Variants in BLTP2 observed in about 807,000 individuals in gnomAD.
BLTP2 encodes the protein bridge-like lipid transfer protein family member 2, also known as U937-associated antigen.
the BLTP2 span, chr17:28,644,085 A>C: frequency 1.9e-6 from 3 of 1,614,252 alleles, no homozygotes; most frequent in South Asian, 1.1e-5. Context: ...GCTGAAACTT[A>C]AGACTGACAT....
chr17:28,628,129 C>G, the BLTP2 span: 3 of 737,044 alleles, frequency 4.1e-6, no homozygotes, highest in Non-Finnish European at 6.7e-6. Flanking sequence ...ACTTAGGTGG[C>G]CTAAGAAGGA....
the BLTP2 span, chr17:28,635,918 G>T: frequency 4.0e-6 from 1 of 247,854 alleles, no homozygotes; most frequent in African/African-American, 2.2e-5. Context: ...ACTCAGTATA[G>T]ACAGCAGGTA....
the BLTP2 span, chr17:28,634,803 G>C: frequency 1.2e-6 from 2 of 1,613,748 alleles, no homozygotes; most frequent in South Asian, 2.2e-5. Flanking sequence ...CAATTTTGCG[G>C]GCAGGCAACA....
At chr17:28,642,314 T>G in the BLTP2 span, 1 of 1,614,188 alleles carries the variant, frequency 6.2e-7, no homozygotes, top group Non-Finnish European at 8.5e-7. Context: ...TGATCTTACA[T>G]AAGCTCACCT....
At chr17:28,619,165 C>T in the BLTP2 span, among the ~76,000 whole-genome samples, 1 of 152,156 alleles carries the variant, frequency 6.6e-6, no homozygotes, top group Non-Finnish European at 1.5e-5. Context: ...TCCCATCTTT[C>T]AGCTCTATAG....
the BLTP2 span, chr17:28,640,260 G>A: frequency 5.9e-6 from 3 of 507,322 alleles, no homozygotes; most frequent in East Asian, 3.9e-5. Flanking sequence ...GGGCGTGGTG[G>A]CACGTGCCTA....
chr17:28,628,552 G>A, the BLTP2 span: 1 of 1,613,026 alleles, frequency 6.2e-7, no homozygotes, highest in Non-Finnish European at 8.5e-7. Flanking sequence ...ATCACGAGCA[G>A]AGAGCTCCTA....
chr17:28,639,377 C>T, the BLTP2 span: 1 of 1,613,934 alleles, frequency 6.2e-7, no homozygotes, highest in Non-Finnish European at 8.5e-7. Flanking sequence ...CTAGCAGGTG[C>T]AGCCAGTGAG....
At chr17:28,644,689 G>A in the BLTP2 span, among the ~76,000 whole-genome samples, 2 of 152,190 alleles carry the variant, frequency 1.3e-5, no homozygotes, top group Non-Finnish European at 2.9e-5. Context: ...GGGTGGAGGG[G>A]GAAAGGGAAG....
At chr17:28,630,114 C>G in the BLTP2 span, among the ~76,000 whole-genome samples, 3 of 152,084 alleles carry the variant, frequency 2.0e-5, no homozygotes, top group Non-Finnish European at 4.4e-5. Flanking sequence ...TCCACCCACC[C>G]TGGCCTCCCA....
chr17:28,625,810 G>A, the BLTP2 span, among the ~76,000 whole-genome samples: 1 of 152,012 alleles, frequency 6.6e-6, no homozygotes, highest in East Asian at 1.9e-4. Context: ...TTGTTGCCCA[G>A]GCTGGAGTGC....
chr17:28,639,848 AG>A, the BLTP2 span: 11 of 1,605,320 alleles, frequency 6.9e-6, no homozygotes, highest in East Asian at 2.5e-4. Flanking sequence ...ATGAGCAAAG[AG>A]AGTATCTAGT....
chr17:28,620,606 A>T, the BLTP2 span: 1 of 1,614,162 alleles, frequency 6.2e-7, no homozygotes, highest in Non-Finnish European at 8.5e-7. Context: ...CTCATGGTGG[A>T]TAAGGGTGAA....
chr17:28,628,576 G>A, the BLTP2 span: 2 of 1,608,726 alleles, frequency 1.2e-6, no homozygotes, highest in Non-Finnish European at 1.7e-6. Flanking sequence ...AACAGGAAAA[G>A]GACTTCAGGG....
the BLTP2 span, chr17:28,615,082 G>A: frequency 6.2e-7 from 1 of 1,613,754 alleles, no homozygotes. Flanking sequence ...GCCTGCCAAA[G>A]ATGGACTTCT....
chr17:28,631,762 C>G, the BLTP2 span: 2 of 1,603,256 alleles, frequency 1.2e-6, no homozygotes, highest in Non-Finnish European at 8.5e-7. Context: ...GGGAATGGAA[C>G]TGAGAAGGGA....
the BLTP2 span, chr17:28,628,365 T>C: frequency 6.2e-7 from 1 of 1,614,194 alleles, no homozygotes; most frequent in South Asian, 1.1e-5. Context: ...GCTTTTTGGC[T>C]GGCATCTGTG....
chr17:28,619,683 C>T, the BLTP2 span: 2 of 1,613,874 alleles, frequency 1.2e-6, no homozygotes, highest in Non-Finnish European at 1.7e-6. Context: ...CTTCACTTTC[C>T]AGCTGCAGGT....
chr17:28,624,183 T>C, the BLTP2 span: 10 of 1,581,590 alleles, frequency 6.3e-6, no homozygotes, highest in East Asian at 2.2e-5. Flanking sequence ...AGGGGAACAA[T>C]ATGATCATGA....
Sources: allele counts gnomAD v4.1 joint callset (sites outside exome capture counted in the v4.1 genomes callset), GRCh38; gene constraint gnomAD v4.1.1; transcripts MANE v1.5; gene names NCBI Gene and HGNC (gene_info 2026-07-23, HGNC 2026-07-21).